The following TENM1 variants were observed in gnomAD, a reference collection of about 807,000 sequenced individuals.
TENM1 encodes teneurin-1.
TENM1 carries 35 observed loss-of-function variants against 174.8 expected under a neutral mutation model. The observed-to-expected ratio is 0.20, with a 90% CI of 0.15 to 0.27. The LOEUF is 0.27. TENM1 is among the 10% of genes least tolerant of loss of function. TENM1 has a pLI of 1.00. For missense variants in TENM1, 1,633 were observed against 2,130.1 expected (o/e 0.77, Z 4.59); for synonymous variants, 781 against 798.7 (o/e 0.98, Z 0.37).
At chrX:124,467,746 C>A (rs1488148508) in intron 22 of TENM1, among the ~76,000 whole-genome samples, 1 of 111,520 alleles carries the variant, frequency 9.0e-6, no homozygotes, top group East Asian at 2.8e-4. Flanking sequence ...GATTTCTAAA[C>A]CCTAGTTTTG....
At chrX:125,010,335 T>C in the TENM1 span, among the ~76,000 whole-genome samples, 1 of 110,207 alleles carries the variant, frequency 9.1e-6, no homozygotes, top group African/African-American at 3.3e-5. Context: ...ATGAAGGATC[T>C]CTTCATGGAG....
intron 3 of TENM1, among the ~76,000 whole-genome samples, chrX:124,808,243 T>C (rs2055666339): frequency 8.9e-6 from 1 of 111,765 alleles, no homozygotes; most frequent in African/African-American, 3.3e-5. Context: ...AGAAGATCAT[T>C]ATATAAAGAT....
chrX:124,568,502 T>C (rs1426352750), intron 11 of TENM1, among the ~76,000 whole-genome samples: 2 of 111,751 alleles, frequency 1.8e-5, no homozygotes, highest in Non-Finnish European at 3.8e-5. Flanking sequence ...ATATGTAAGA[T>C]GGAGTGTCCT....
intron 3 of TENM1, among the ~76,000 whole-genome samples, chrX:124,825,223 T>G (rs1163766208): frequency 4.1e-5 from 4 of 97,875 alleles, no homozygotes; most frequent in Non-Finnish European, 8.1e-5. Context: ...AGTGCAGTGG[T>G]AAGATCTGCA....
At chrX:124,712,324 C>T (rs1433967597) in intron 4 of TENM1, among the ~76,000 whole-genome samples, 1 of 111,054 alleles carries the variant, frequency 9.0e-6, no homozygotes, top group Non-Finnish European at 1.9e-5. Flanking sequence ...TACAAGGGTT[C>T]CAATTTCTCC....
chrX:124,486,696 T>C (rs1443735481), intron 21 of TENM1, among the ~76,000 whole-genome samples: 1 of 112,085 alleles, frequency 8.9e-6, no homozygotes, highest in Non-Finnish European at 1.9e-5. Context: ...GTTTAAGGTT[T>C]TCCTATTATT....
intron 1 of TENM1, among the ~76,000 whole-genome samples, chrX:124,934,618 C>G (rs934581582): frequency 8.9e-5 from 10 of 111,797 alleles, no homozygotes; most frequent in African/African-American, 3.3e-4. Flanking sequence ...GTGTTAGAAA[C>G]AACGGTGGCA....
At chrX:124,996,931 G>C in the TENM1 span, among the ~76,000 whole-genome samples, 2 of 111,495 alleles carry the variant, frequency 1.8e-5, no homozygotes, top group Non-Finnish European at 3.8e-5. Flanking sequence ...AAGAGAGAAA[G>C]CGAAGTGGAT....
exon 15 of TENM1, chrX:124,547,060 C>G: frequency 8.3e-7 from 1 of 1,211,041 alleles, no homozygotes; most frequent in East Asian, 3.0e-5. Context: ...TTGTTGACAA[C>G]AGTCAGGATC....
intron 1 of TENM1, among the ~76,000 whole-genome samples, chrX:124,897,815 T>C (rs916438027): frequency 1.8e-5 from 2 of 112,533 alleles, no homozygotes; most frequent in African/African-American, 6.5e-5. Flanking sequence ...ATTCAAAAAA[T>C]AGTCGTGGTT....
At chrX:124,861,402 T>C (rs947302831) in intron 3 of TENM1, among the ~76,000 whole-genome samples, 9 of 111,881 alleles carry the variant, frequency 8.0e-5, no homozygotes, top group Non-Finnish European at 1.9e-5. Context: ...AAGGCTGAAG[T>C]GCTGAACTTC....
chrX:124,384,733 A>G, exon 30 of TENM1: 5 of 1,211,581 alleles, frequency 4.1e-6, no homozygotes, highest in East Asian at 3.0e-5. Flanking sequence ...CTATAGGCAA[A>G]GGGGTTTCAT....
chrX:124,731,369 G>A (rs1333576025), intron 4 of TENM1, among the ~76,000 whole-genome samples: 1 of 111,413 alleles, frequency 9.0e-6, no homozygotes. Context: ...ATAAATTGAA[G>A]CTAAAATAGG....
chrX:124,870,477 G>A (rs2057089413), intron 3 of TENM1, among the ~76,000 whole-genome samples: 1 of 111,689 alleles, frequency 9.0e-6, no homozygotes, highest in African/African-American at 3.3e-5. Flanking sequence ...CAGGGATTAT[G>A]GTGCAAACTG....
intron 3 of TENM1, among the ~76,000 whole-genome samples, chrX:124,852,978 A>G (rs769215762): frequency 3.6e-5 from 4 of 111,885 alleles, no homozygotes; most frequent in African/African-American, 1.3e-4. Flanking sequence ...GATCTTTAGG[A>G]CTGTAATAGC....
At chrX:124,449,260 A>C (rs956556466) in intron 23 of TENM1, among the ~76,000 whole-genome samples, 4 of 111,959 alleles carry the variant, frequency 3.6e-5, no homozygotes, top group Non-Finnish European at 5.6e-5. Context: ...CTTCAGAGAA[A>C]CTGAGGCTTG....
chrX:124,515,313 A>T (rs1008351288), intron 18 of TENM1, among the ~76,000 whole-genome samples: 3 of 111,774 alleles, frequency 2.7e-5, no homozygotes, highest in Non-Finnish European at 5.6e-5. Context: ...CTCTCTCATC[A>T]GTCCTATTCA....
At chrX:124,673,283 G>T (rs763758043) in intron 5 of TENM1, among the ~76,000 whole-genome samples, 2 of 111,769 alleles carry the variant, frequency 1.8e-5, no homozygotes, top group Non-Finnish European at 3.8e-5. Context: ...GGAAGTTAAC[G>T]CCAGAAAGGA....
chrX:125,048,359 C>T, the TENM1 span, among the ~76,000 whole-genome samples: 1 of 104,960 alleles, frequency 9.5e-6, no homozygotes, highest in East Asian at 3.0e-4. Context: ...CTCCTGGACT[C>T]AAGTGATTTT....
Sources: allele counts gnomAD v4.1 joint callset (sites outside exome capture counted in the v4.1 genomes callset), GRCh38; gene constraint gnomAD v4.1.1; transcripts MANE v1.5; gene names NCBI Gene and HGNC (gene_info 2026-07-23, HGNC 2026-07-21).